CFAP299: variants seen among roughly 807,000 people sequenced by gnomAD.
The protein encoded by CFAP299 is cilia- and flagella-associated protein 299.
CFAP299 carries 21 observed loss-of-function variants against 27.0 expected under a neutral mutation model. The observed-to-expected ratio is 0.78, with a 90% CI of 0.55 to 1.12. The LOEUF (loss-of-function observed/expected upper bound fraction) is 1.12, where lower values mean the gene tolerates loss of function less well. CFAP299 is among the 50% of genes most tolerant of loss of function. CFAP299 has a pLI of 0.00. For missense variants in CFAP299, 310 were observed against 276.6 expected (o/e 1.12, Z -0.86); for synonymous variants, 104 against 98.1 (o/e 1.06, Z -0.36).
At chr4:80,603,932 C>T (rs112948778) in intron 3 of CFAP299, among the ~76,000 whole-genome samples, 2,315 of 152,120 alleles carry the variant, frequency 0.015, 26 homozygotes, top group South Asian at 0.039. Context: ...TCTGCATTCT[C>T]GCTCTTTAAA....
chr4:80,424,090 G>A (rs901089441), intron 2 of CFAP299, among the ~76,000 whole-genome samples: 4 of 152,328 alleles, frequency 2.6e-5, no homozygotes, highest in East Asian at 1.9e-4. Context: ...CTATGTGGAT[G>A]TGTGTCCTCC....
At chr4:80,447,854 G>T (rs917040665) in intron 2 of CFAP299, among the ~76,000 whole-genome samples, 1 of 152,098 alleles carries the variant, frequency 6.6e-6, no homozygotes, top group Non-Finnish European at 1.5e-5. Context: ...CTATACTCTG[G>T]CCAGTTTAAT....
chr4:80,673,286 G>A (rs112680692), intron 3 of CFAP299, among the ~76,000 whole-genome samples: 10,514 of 152,172 alleles, frequency 0.069, 826 homozygotes, highest in African/African-American at 0.18. Context: ...TCACTCAGGA[G>A]CAGGTTGTTC....
intron 2 of CFAP299, among the ~76,000 whole-genome samples, chr4:80,525,683 A>G (rs1021706461): frequency 4.6e-5 from 7 of 152,108 alleles, no homozygotes; most frequent in African/African-American, 7.2e-5. Context: ...AGCGCCAGCC[A>G]TCTCAGCTTC....
intron 3 of CFAP299, among the ~76,000 whole-genome samples, chr4:80,723,021 A>G (rs1722929593): frequency 6.6e-6 from 1 of 152,206 alleles, no homozygotes; most frequent in Non-Finnish European, 1.5e-5. Flanking sequence ...TAGTCATTAG[A>G]GAAGTGCAAA....
At chr4:80,649,039 G>A (rs959364464) in intron 3 of CFAP299, 5 of 152,086 alleles carry the variant, frequency 3.3e-5, no homozygotes, top group African/African-American at 9.7e-5. Flanking sequence ...TAGAAAGTGC[G>A]GTTTAAACTG....
At position 80,495,689 on chromosome 4, in the gene CFAP299, A is replaced by G. The variant is rs553182503; in HGVS notation, c.243-87404A>G. Among the ~76,000 whole-genome samples, 8 of 152,344 alleles carry G rather than the reference A, an allele frequency of 5.3e-5. No individual in the cohort carries two copies. In the South Asian group the frequency reaches 1.7e-3, roughly 32 times the overall value. ...TGTATTACGCTATTCTCACATTGCT[A>G]TAAAGAAATACCCAAGACCGGGCAA... On this transcript the variant is annotated intron_variant, in intron 2 of 5. Transcript: ENST00000358105.
chr4:80,677,798 C>A (rs1339912560), intron 3 of CFAP299, among the ~76,000 whole-genome samples: 3 of 151,980 alleles, frequency 2.0e-5, no homozygotes, highest in African/African-American at 4.8e-5. Flanking sequence ...ATAGCAGACA[C>A]AAGAGTTAAC....
At chr4:80,420,506 C>T (rs553881730) in intron 2 of CFAP299, among the ~76,000 whole-genome samples, 46 of 152,272 alleles carry the variant, frequency 3.0e-4, no homozygotes, top group South Asian at 6.2e-4. Context: ...TTTGCATCTT[C>T]CTACATACGG....
chr4:80,635,665 T>C (rs1739438815), intron 3 of CFAP299, among the ~76,000 whole-genome samples: 1 of 152,208 alleles, frequency 6.6e-6, no homozygotes, highest in South Asian at 2.1e-4. Flanking sequence ...ATAAAGTGAA[T>C]GGATTTATTT....
chr4:80,577,517 C>T (rs1025043000), intron 2 of CFAP299, among the ~76,000 whole-genome samples: 7 of 147,794 alleles, frequency 4.7e-5, no homozygotes, highest in Non-Finnish European at 8.9e-5. Context: ...ATTCTCCTGC[C>T]TCAGCCTCCA....
chr4:80,459,458 C>A (rs1487717052), intron 2 of CFAP299, among the ~76,000 whole-genome samples: 2 of 152,198 alleles, frequency 1.3e-5, no homozygotes, highest in Non-Finnish European at 1.5e-5. Flanking sequence ...TCTCAAGTCA[C>A]CCACTTGTTC....
intron 1 of CFAP299, among the ~76,000 whole-genome samples, chr4:80,362,071 G>A (rs1212137493): frequency 6.6e-6 from 1 of 150,886 alleles, no homozygotes; most frequent in Admixed American, 6.6e-5. Context: ...AGATGTATGC[G>A]ATAATTCTTA....
At chr4:80,597,722 C>G (rs946200113) in intron 3 of CFAP299, among the ~76,000 whole-genome samples, 2 of 151,870 alleles carry the variant, frequency 1.3e-5, no homozygotes, top group African/African-American at 2.4e-5. Flanking sequence ...GAGTATTGCT[C>G]TGTCACCCAG....
At chr4:80,715,329 A>G (rs998516176) in intron 3 of CFAP299, among the ~76,000 whole-genome samples, 2 of 152,060 alleles carry the variant, frequency 1.3e-5, no homozygotes, top group Admixed American at 1.3e-4. Context: ...AGAGAGGGGG[A>G]AAAAGGACAA....
intron 4 of CFAP299, among the ~76,000 whole-genome samples, chr4:80,883,596 G>GT (rs1733822820): frequency 6.6e-6 from 1 of 152,012 alleles, no homozygotes. Flanking sequence ...TGAAAAAAAT[G>GT]TTACATAAAG....
At chr4:80,571,972 G>A (rs1735601079) in intron 2 of CFAP299, among the ~76,000 whole-genome samples, 1 of 152,190 alleles carries the variant, frequency 6.6e-6, no homozygotes, top group Non-Finnish European at 1.5e-5. Flanking sequence ...TACATTGAGA[G>A]AAGGAATGTA....
intron 2 of CFAP299, among the ~76,000 whole-genome samples, chr4:80,441,354 C>G (rs1469966644): frequency 3.3e-5 from 5 of 152,224 alleles, no homozygotes; most frequent in African/African-American, 1.2e-4. Context: ...AACAGCGGAT[C>G]TCTCTGCAGA....
chr4:80,406,416 A>T (rs1263589303), intron 2 of CFAP299, among the ~76,000 whole-genome samples: 2 of 152,178 alleles, frequency 1.3e-5, no homozygotes, highest in Admixed American at 1.3e-4. Flanking sequence ...CCCAGGCTAG[A>T]GCACAGTGAT....
Sources: gnomAD v4.1 joint callset for allele counts (sites outside exome capture counted in the v4.1 genomes callset) on GRCh38, gnomAD v4.1.1 for gene constraint, MANE v1.5 for transcripts, NCBI Gene and HGNC (gene_info 2026-07-23, HGNC 2026-07-21) for gene names.